GSK3B: variants seen among roughly 807,000 people sequenced by gnomAD.
The protein encoded by GSK3B is glycogen synthase kinase 3 beta, also known as glycogen synthase kinase-3 beta.
Under a neutral mutation model 56.4 loss-of-function variants are expected in GSK3B, and 15 were observed. That is an observed-to-expected ratio of 0.27 (90% CI 0.18 to 0.41). The LOEUF is 0.41. Among genes scored for constraint, GSK3B ranks in the 10% least tolerant of loss-of-function variants. GSK3B has a pLI of 1.00. For synonymous variants in GSK3B, 181 were observed against 188.9 expected, an observed-to-expected ratio of 0.96 and a Z score of 0.34; for missense variants, 300 against 513.4, an observed-to-expected ratio of 0.58 and a Z score of 4.02.
At chr3:120,002,581 C>T (rs138155620) in intron 1 of GSK3B, among the ~76,000 whole-genome samples, 3,940 of 152,156 alleles carry the variant, frequency 0.026, 174 homozygotes, top group African/African-American at 0.089. Context: ...TCAGGTGATC[C>T]GCCCTCCTTG....
intron 8 of GSK3B, among the ~76,000 whole-genome samples, chr3:119,872,908 A>G (rs1054841030): frequency 1.2e-4 from 18 of 152,194 alleles, no homozygotes; most frequent in African/African-American, 3.6e-4. Context: ...TACTAAATGC[A>G]GAATTTAAAT....
At chr3:120,041,430 C>T in intron 1 of GSK3B, 1 of 266,890 alleles carries the variant, frequency 3.7e-6, no homozygotes, top group Middle Eastern at 4.6e-4. Flanking sequence ...CATGGAAACA[C>T]ATATCATGCA....
chr3:119,842,295 C>A (rs958989688), intron 10 of GSK3B, among the ~76,000 whole-genome samples: 13 of 152,152 alleles, frequency 8.5e-5, no homozygotes, highest in Admixed American at 6.5e-4. Context: ...CTGCAGCACA[C>A]CCTAGCTCTA....
intron 9 of GSK3B, among the ~76,000 whole-genome samples, chr3:119,850,575 A>G (rs2055916405): frequency 6.6e-6 from 1 of 152,176 alleles, no homozygotes; most frequent in South Asian, 2.1e-4. Flanking sequence ...AACCAGTTCA[A>G]AATGTTTTTT....
At chr3:119,981,664 C>T (rs1208453761) in intron 2 of GSK3B, among the ~76,000 whole-genome samples, 1 of 152,228 alleles carries the variant, frequency 6.6e-6, no homozygotes, top group Non-Finnish European at 1.5e-5. Flanking sequence ...ATTGCTGAGG[C>T]TTGAGTAGGT....
In GSK3B at chr3:119,826,808, A is replaced by T; in HGVS notation, c.1243T>A (p.Ser415Thr). 6.2e-7 allele frequency: 1 copy of T among 1,613,058 alleles called. No homozygotes were observed. Among genetic ancestry groups the T allele is most frequent in the Non-Finnish European group, 8.5e-7 (1 of 1,179,002 alleles). The change falls in exon 11 of 11, where the codon TCA becomes ACA. Residue 415 changes from serine (S) to threonine (T), a missense_variant. By Grantham distance (58) the Ser-to-Thr change is moderately conservative. Transcript: ENST00000264235. ...ACTGTTCAGGTGGAGTTGGAAGCTG[A>T]TGCAGAAGCAGCATTATTGGTCTGT... ...RGQTNNAASA[S>T]ASNST is the part of the protein sequence containing the mutation.
intron 6 of GSK3B, among the ~76,000 whole-genome samples, chr3:119,907,802 G>A (rs2056697570): frequency 6.6e-6 from 1 of 152,146 alleles, no homozygotes; most frequent in African/African-American, 2.4e-5. Context: ...CTGAATAGTA[G>A]AGCTAGGCCT....
intron 2 of GSK3B, among the ~76,000 whole-genome samples, chr3:119,995,471 AT>A (rs576857009): frequency 1.6e-3 from 230 of 147,706 alleles, no homozygotes; most frequent in Non-Finnish European, 2.2e-3. Flanking sequence ...AACAATAATT[AT>A]TTTTTTTTTT....
intron 1 of GSK3B, among the ~76,000 whole-genome samples, chr3:120,073,518 T>C (rs2058344705): frequency 6.6e-6 from 1 of 152,200 alleles, no homozygotes; most frequent in African/African-American, 2.4e-5. Flanking sequence ...AAGCAAGGTA[T>C]TTGCTCTTAA....
At chr3:119,859,858 A>G (rs961845233) in intron 9 of GSK3B, among the ~76,000 whole-genome samples, 1 of 152,096 alleles carries the variant, frequency 6.6e-6, no homozygotes, top group Non-Finnish European at 1.5e-5. Context: ...ACAGTTCCCC[A>G]GAGTTACTAA....
chr3:120,079,497 C>T (rs1173032315), intron 1 of GSK3B, among the ~76,000 whole-genome samples: 3 of 152,058 alleles, frequency 2.0e-5, no homozygotes, highest in Admixed American at 6.6e-5. Context: ...CAGGTCCAAA[C>T]GATTCTCCTG....
At chr3:119,839,977 A>C (rs923070457) in intron 10 of GSK3B, among the ~76,000 whole-genome samples, 1 of 152,160 alleles carries the variant, frequency 6.6e-6, no homozygotes. Flanking sequence ...TCAGATATTC[A>C]AGGTCTAGAG....
intron 10 of GSK3B, among the ~76,000 whole-genome samples, chr3:119,837,395 G>C (rs902911265): frequency 6.8e-6 from 1 of 147,596 alleles, no homozygotes; most frequent in African/African-American, 2.5e-5. Context: ...TCGATCTCTT[G>C]ACCTCGTGAT....
At position 120,029,991 on chromosome 3, in the gene GSK3B, G is replaced by C. The variant is rs2057961323; in HGVS notation, c.89-27752C>G. 4.5e-6 allele frequency: 2 copies of C among 444,370 alleles called. 1 individual carries two copies. 27.5% of individuals were successfully genotyped at this position (444,370 alleles called of 1,614,324 possible). ...AAAGACACCAGCATCTGGCCTCCCA[G>C]TGTTTTCAGCTGTGTCCCCCAGTCT... is the stretch of plus-strand genomic sequence containing the variant. On this transcript the variant is annotated intron_variant, in intron 1 of 10. Coordinates refer to ENST00000264235, the MANE Select transcript of GSK3B (RefSeq NM_001146156.2).
At chr3:120,054,665 T>C (rs1308595074) in intron 1 of GSK3B, among the ~76,000 whole-genome samples, 11 of 152,174 alleles carry the variant, frequency 7.2e-5, no homozygotes, top group Non-Finnish European at 1.2e-4. Flanking sequence ...CTAAAAATTC[T>C]CAAAGGATGA....
intron 9 of GSK3B, among the ~76,000 whole-genome samples, chr3:119,856,571 T>C (rs1173876434): frequency 6.6e-6 from 1 of 152,194 alleles, no homozygotes; most frequent in Non-Finnish European, 1.5e-5. Flanking sequence ...ATTACTGCTG[T>C]AGTTACCTGA....
rs562153537 is a variant in GSK3B, at chr3:119,916,535, T to C, written c.478-361A>G. Among the ~76,000 whole-genome samples, 5 of 152,284 alleles carry C rather than the reference T, an allele frequency of 3.3e-5. No individual in the cohort carries two copies. The South Asian group carries it at 1.0e-3, about 32-fold the overall frequency. On this transcript the variant is annotated intron_variant, in intron 4 of 10. Coordinates refer to ENST00000264235, the MANE Select transcript of GSK3B (RefSeq NM_001146156.2). ...GAAAAGCTCAGAGAGGCACCCCAAATCATGAATAATCAGTAACTTTGGGCC... is the reference window on the plus strand; with the variant it reads ...GAAAAGCTCAGAGAGGCACCCCAAACCATGAATAATCAGTAACTTTGGGCC...
In GSK3B at chr3:119,969,632, A is replaced by G. The variant is rs1293244970; in HGVS notation, c.283-22281T>C. On this transcript the variant is annotated intron_variant, in intron 2 of 10. Coordinates refer to ENST00000264235, the MANE Select transcript of GSK3B (RefSeq NM_001146156.2). ...GAATAAAGACAGCATGGTACTGGTG[A>G]AAGAAGAGATTACTGGAACAGTAAC... Among the ~76,000 whole-genome samples the G allele has an allele frequency of 2.0e-5, 3 of 152,230 alleles. No homozygotes were observed. In the East Asian group the frequency reaches 5.8e-4, roughly 29 times the overall value.
At chr3:119,869,231 A>AAAAAC (rs1553726285) in intron 8 of GSK3B, among the ~76,000 whole-genome samples, 1 of 149,600 alleles carries the variant, frequency 6.7e-6, no homozygotes, top group African/African-American at 2.5e-5. Context: ...CTCAAAAAAA[A>AAAAAC]AAAAAAAAAA....
Sources: allele counts gnomAD v4.1 joint callset (sites outside exome capture counted in the v4.1 genomes callset), GRCh38; gene constraint gnomAD v4.1.1; transcripts MANE v1.5; gene names NCBI Gene and HGNC (gene_info 2026-07-23, HGNC 2026-07-21).